The following ADAMTSL3 variants were observed in gnomAD, a reference collection of about 807,000 sequenced individuals.
ADAMTSL3 encodes the protein ADAMTS like 3, also known as ADAMTS-like protein 3.
Under a neutral mutation model 201.7 loss-of-function variants are expected in ADAMTSL3, and 128 were observed. The ratio of observed to expected loss-of-function variants is 0.63; its 90% CI spans 0.55 to 0.73. The LOEUF (loss-of-function observed/expected upper bound fraction) is 0.73. Among genes scored for constraint, ADAMTSL3 ranks in the 30% least tolerant of loss-of-function variants. The probability of loss-of-function intolerance (pLI) is 0.00; values close to 1 mark genes in which losing one functional copy is unlikely to be tolerated. For missense variants in ADAMTSL3, 1,990 were observed against 2,119.6 expected, an observed-to-expected ratio of 0.94 and a Z score of 1.20; for synonymous variants, 738 against 748.4, an observed-to-expected ratio of 0.99 and a Z score of 0.23.
intron 22 of ADAMTSL3, among the ~76,000 whole-genome samples, chr15:83,989,730 AAATT>A (rs1369149837): frequency 2.6e-5 from 4 of 152,288 alleles, no homozygotes; most frequent in Admixed American, 6.5e-5. Flanking sequence ...GTGAGTGAAT[AAATT>A]AATCTGGCAA....
Position 83,714,798 on chromosome 15 carries a change from T to C in ADAMTSL3, c.189+10290T>C, listed in dbSNP as rs553388405. Among the ~76,000 whole-genome samples the C allele has an allele frequency of 1.0e-4, 14 of 136,914 alleles. No individual in the cohort carries two copies. The East Asian group carries it at 2.6e-3, about 26-fold the overall frequency. 89.8% of individuals were successfully genotyped at this position (136,914 alleles called of 152,430 possible). On this transcript the variant is annotated intron_variant, in intron 3 of 29. Coordinates refer to ENST00000286744, the MANE Select transcript of ADAMTSL3 (RefSeq NM_207517.3). ...TTCTTTCTTTCTTTTTCTTTCTCTC[T>C]CTTTCTTTCTTCTTTCTTTCTTTCC...
chr15:83,713,703 A>C (rs138658268), intron 3 of ADAMTSL3, among the ~76,000 whole-genome samples: 1 of 152,352 alleles, frequency 6.6e-6, no homozygotes, highest in East Asian at 1.9e-4. Context: ...CTGCAAGCTG[A>C]ATTTTGAAGG....
At chr15:83,776,434 C>G (rs978411775) in intron 4 of ADAMTSL3, among the ~76,000 whole-genome samples, 2 of 152,192 alleles carry the variant, frequency 1.3e-5, no homozygotes, top group African/African-American at 4.8e-5. Flanking sequence ...AATTATGTCA[C>G]TGGCCAGGCA....
rs1002523820 is a variant in ADAMTSL3, at chr15:83,837,146, T to A, written c.601-943T>A. On this transcript the variant is annotated intron_variant, in intron 6 of 29. Coordinates refer to ENST00000286744, the MANE Select transcript of ADAMTSL3 (RefSeq NM_207517.3). ...AAACACGTATTTTATATGAGACATC[T>A]CTCCTTTTAATTATTTTTTATATTT... Among the ~76,000 whole-genome samples the A allele has an allele frequency of 2.0e-5, 3 of 152,042 alleles. No homozygotes were observed. The East Asian group carries it at 5.8e-4, about 29-fold the overall frequency.
intron 3 of ADAMTSL3, among the ~76,000 whole-genome samples, chr15:83,766,307 G>A (rs775994859): frequency 2.3e-4 from 35 of 152,184 alleles, no homozygotes; most frequent in Non-Finnish European, 2.4e-4. Context: ...ACAGGGCACT[G>A]AGCACAGAGC....
intron 2 of ADAMTSL3, among the ~76,000 whole-genome samples, chr15:83,689,394 T>C (rs2061583052): frequency 6.6e-6 from 1 of 152,252 alleles, no homozygotes; most frequent in African/African-American, 2.4e-5. Flanking sequence ...ATTTAGTTTT[T>C]ATACTTCCTT....
intron 8 of ADAMTSL3, among the ~76,000 whole-genome samples, chr15:83,859,273 A>G (rs142824234): frequency 6.5e-4 from 99 of 152,340 alleles, no homozygotes; most frequent in East Asian, 2.7e-3. Flanking sequence ...CTGATTTGCA[A>G]TTGGTTAAGA....
At chr15:83,812,328 C>T (rs1010734553) in intron 5 of ADAMTSL3, among the ~76,000 whole-genome samples, 5 of 152,166 alleles carry the variant, frequency 3.3e-5, no homozygotes, top group Non-Finnish European at 7.4e-5. Flanking sequence ...TTACTGAAGA[C>T]TGGCCACACT....
Position 83,784,185 on chromosome 15 carries a change from G to A in ADAMTSL3, c.317+10535G>A, listed in dbSNP as rs150780247. On this transcript the variant is annotated intron_variant, in intron 4 of 29. Coordinates refer to ENST00000286744, the MANE Select transcript of ADAMTSL3 (RefSeq NM_207517.3). Reference sequence around the variant, plus strand: ...ATCTCTCCAGAATACCCTGTCCCACGTAGGCACTGAGTGTTTTACAGGGAC... The same window carrying A: ...ATCTCTCCAGAATACCCTGTCCCACATAGGCACTGAGTGTTTTACAGGGAC... 4.6e-5 allele frequency among the ~76,000 whole-genome samples: 7 copies of A among 152,204 alleles called. No homozygotes were observed. The East Asian group carries it at 1.2e-3, about 25-fold the overall frequency.
intron 3 of ADAMTSL3, among the ~76,000 whole-genome samples, chr15:83,715,995 A>G (rs1300674167): frequency 6.6e-6 from 1 of 151,844 alleles, no homozygotes; most frequent in Admixed American, 6.6e-5. Context: ...TGAAATAGTC[A>G]CTCATGTTTG....
chr15:83,828,767 G>C (rs1452900072), intron 6 of ADAMTSL3, among the ~76,000 whole-genome samples: 2 of 152,142 alleles, frequency 1.3e-5, no homozygotes, highest in African/African-American at 2.4e-5. Flanking sequence ...GGCCTTTTCT[G>C]CATCTATTGA....
chr15:83,950,391 C>T (rs1321397658), intron 19 of ADAMTSL3, among the ~76,000 whole-genome samples: 1 of 152,048 alleles, frequency 6.6e-6, no homozygotes, highest in Non-Finnish European at 1.5e-5. Context: ...CAGTACTATG[C>T]TGTTTTGGTT....
intron 4 of ADAMTSL3, among the ~76,000 whole-genome samples, chr15:83,801,655 T>TAA (rs1352203811): frequency 0.024 from 897 of 36,620 alleles, 20 homozygotes; most frequent in African/African-American, 0.045. Context: ...AATATAAATA[T>TAA]ATATATATAT....
chr15:83,939,640 T>A (rs2066519380), intron 17 of ADAMTSL3, among the ~76,000 whole-genome samples: 1 of 151,518 alleles, frequency 6.6e-6, no homozygotes, highest in African/African-American at 2.4e-5. Context: ...TTTTTTTTTT[T>A]AGACAGAGTC....
At chr15:83,748,986 A>G (rs1247245046) in intron 3 of ADAMTSL3, among the ~76,000 whole-genome samples, 2 of 152,182 alleles carry the variant, frequency 1.3e-5, no homozygotes, top group South Asian at 2.1e-4. Flanking sequence ...ATTGACACTC[A>G]TGGAAGGAAG....
At chr15:83,715,615 A>AC (rs2062006548) in intron 3 of ADAMTSL3, among the ~76,000 whole-genome samples, 1 of 152,176 alleles carries the variant, frequency 6.6e-6, no homozygotes, top group Non-Finnish European at 1.5e-5. Flanking sequence ...TCCAGATTGT[A>AC]CTCTGCAGCC....
chr15:84,010,909 C>T (rs989361662), intron 23 of ADAMTSL3, among the ~76,000 whole-genome samples: 2 of 152,202 alleles, frequency 1.3e-5, no homozygotes, highest in South Asian at 4.1e-4. Context: ...TTCCCTTTCT[C>T]TCCAGTCTAC....
intron 3 of ADAMTSL3, among the ~76,000 whole-genome samples, chr15:83,716,796 G>A (rs918314202): frequency 3.3e-5 from 5 of 151,944 alleles, no homozygotes; most frequent in Non-Finnish European, 5.9e-5. Context: ...CGCTTTCCAC[G>A]TGGCAGACCA....
chr15:84,010,413 A>T (rs1013077819), intron 23 of ADAMTSL3, among the ~76,000 whole-genome samples: 8 of 152,198 alleles, frequency 5.3e-5, no homozygotes, highest in African/African-American at 1.9e-4. Flanking sequence ...TGGTATGAAT[A>T]ACCAAAAAAG....
Sources: gnomAD v4.1 joint callset for allele counts (sites outside exome capture counted in the v4.1 genomes callset) on GRCh38, gnomAD v4.1.1 for gene constraint, MANE v1.5 for transcripts, NCBI Gene and HGNC (gene_info 2026-07-23, HGNC 2026-07-21) for gene names.